Variants in CCDC88A observed in about 807,000 individuals in gnomAD.
The protein encoded by CCDC88A is girdin.
Under a neutral mutation model 234.3 loss-of-function variants are expected in CCDC88A, and 54 were observed. That is an observed-to-expected ratio of 0.23 (90% confidence interval 0.19 to 0.29). The LOEUF (loss-of-function observed/expected upper bound fraction) is 0.29, where lower values mean the gene tolerates loss of function less well. Among genes scored for constraint, CCDC88A ranks in the 10% least tolerant of loss-of-function variants. The pLI, the probability that CCDC88A is intolerant of heterozygous loss-of-function variation, is 1.00. For missense variants in CCDC88A, 1,832 were observed against 2,123.4 expected, an observed-to-expected ratio of 0.86 and a Z score of 2.70; for synonymous variants, 753 against 737.8, an observed-to-expected ratio of 1.02 and a Z score of -0.33.
intron 5 of CCDC88A, among the ~76,000 whole-genome samples, chr2:55,367,436 T>A (rs150306734): frequency 6.6e-6 from 1 of 152,020 alleles, no homozygotes; most frequent in Admixed American, 6.6e-5. Context: ...ACAATACTTG[T>A]ATCAACAAAA....
intron 2 of CCDC88A, chr2:55,399,686 C>A (rs1012347612): frequency 2.0e-5 from 3 of 152,004 alleles, no homozygotes; most frequent in African/African-American, 7.2e-5. Context: ...TTCATGAAAC[C>A]TATTTCATTT....
intron 3 of CCDC88A, 113 bp from the exon 4 acceptor site, chr2:55,374,996 A>T: frequency 1.6e-6 from 1 of 610,934 alleles, no homozygotes; most frequent in Admixed American, 2.5e-5. Flanking sequence ...TATTGCAATT[A>T]AACAAATATG....
chr2:55,330,086 AATTT>A (rs1684738152), intron 16 of CCDC88A: 1 of 152,146 alleles, frequency 6.6e-6, no homozygotes, highest in Admixed American at 6.5e-5. Context: ...GTTGCTTTTA[AATTT>A]ATTTACTTAT....
At chr2:55,313,627 T>C (rs963823328) in intron 22 of CCDC88A, 5 of 150,894 alleles carry the variant, frequency 3.3e-5, no homozygotes, top group Admixed American at 2.6e-4. Context: ...TAGAGTAGAT[T>C]TGTGGGCCCC....
At chr2:55,381,273 T>C (rs1394966398) in intron 3 of CCDC88A, among the ~76,000 whole-genome samples, 2 of 152,172 alleles carry the variant, frequency 1.3e-5, no homozygotes, top group East Asian at 3.9e-4. Context: ...AGAACATATA[T>C]TTGTTGTTAA....
At chr2:55,365,328 A>G (rs1163878673) in intron 5 of CCDC88A, among the ~76,000 whole-genome samples, 2 of 152,172 alleles carry the variant, frequency 1.3e-5, no homozygotes, top group Non-Finnish European at 2.9e-5. Flanking sequence ...TAGCATATAT[A>G]ACATAATTAA....
At chr2:55,368,513 A>G (rs1254857456) in intron 5 of CCDC88A, among the ~76,000 whole-genome samples, 2 of 151,144 alleles carry the variant, frequency 1.3e-5, no homozygotes, top group Non-Finnish European at 2.9e-5. Context: ...TTGTATAAAT[A>G]GAGTTTCCTT....
chr2:55,311,036 A>G (rs1682288920), intron 23 of CCDC88A, among the ~76,000 whole-genome samples: 1 of 152,236 alleles, frequency 6.6e-6, no homozygotes, highest in Non-Finnish European at 1.5e-5. Flanking sequence ...GAAGTCAACT[A>G]TCTAGATACA....
intron 17 of CCDC88A, chr2:55,323,508 TA>T (rs1018001669): frequency 1.6e-4 from 25 of 152,308 alleles, no homozygotes; most frequent in African/African-American, 6.0e-4. Flanking sequence ...TCAAGAAATC[TA>T]AGGGGTACCC....
At chr2:55,402,411 AG>A (rs1274519002) in intron 2 of CCDC88A, among the ~76,000 whole-genome samples, 1 of 152,186 alleles carries the variant, frequency 6.6e-6, no homozygotes, top group African/African-American at 2.4e-5. Flanking sequence ...GTATGTAATT[AG>A]AAAAAGGAAA....
At chr2:55,408,586 C>A (rs1679978606) in intron 2 of CCDC88A, among the ~76,000 whole-genome samples, 1 of 152,118 alleles carries the variant, frequency 6.6e-6, no homozygotes, top group African/African-American at 2.4e-5. Flanking sequence ...TTACAAATGC[C>A]ATGGCAATGG....
intron 5 of CCDC88A, among the ~76,000 whole-genome samples, chr2:55,366,185 T>C (rs1176254733): frequency 6.6e-6 from 1 of 152,144 alleles, no homozygotes; most frequent in African/African-American, 2.4e-5. Flanking sequence ...TCTATTGTAT[T>C]ATAGTAACTG....
chr2:55,297,138 T>G (rs191876115), intron 29 of CCDC88A: 1 of 149,168 alleles, frequency 6.7e-6, no homozygotes, highest in African/African-American at 2.5e-5. Context: ...TGAGCAGAGA[T>G]CGCGCCACTG....
intron 2 of CCDC88A, among the ~76,000 whole-genome samples, chr2:55,413,900 G>A (rs964345224): frequency 1.9e-4 from 29 of 151,846 alleles, no homozygotes; most frequent in Middle Eastern, 3.4e-3. Flanking sequence ...TGCAGTGAGC[G>A]GTGATCATGC....
chr2:55,304,111 C>T (rs745486058), intron 25 of CCDC88A, among the ~76,000 whole-genome samples: 2 of 151,012 alleles, frequency 1.3e-5, no homozygotes. Flanking sequence ...GCGTTCAAGA[C>T]CAGCCTGGGC....
chr2:55,311,566 T>A (rs976335284), intron 23 of CCDC88A, among the ~76,000 whole-genome samples: 1 of 152,208 alleles, frequency 6.6e-6, no homozygotes, highest in Non-Finnish European at 1.5e-5. Flanking sequence ...ATCAAAGAAA[T>A]GACTAGTCTG....
chr2:55,332,863 T>A lies in CCDC88A; in HGVS notation c.2728-170A>T, dbSNP rs531857940. Among the ~76,000 whole-genome samples the A allele has an allele frequency of 1.1e-4, 17 of 152,330 alleles. No individual in the cohort carries two copies. Among genetic ancestry groups the A allele is most frequent in the African/African-American group, 4.1e-4 (17 of 41,558 alleles). Reference sequence around the variant, plus strand: ...AATGTAGTTAAAGTTATAACCTAGTTGAAATAACTTTTTTCCTTTTTTTTG... The same window carrying A: ...AATGTAGTTAAAGTTATAACCTAGTAGAAATAACTTTTTTCCTTTTTTTTG... On this transcript the variant is annotated intron_variant, in intron 15 of 32. Coordinates refer to ENST00000436346, the MANE Select transcript of CCDC88A (RefSeq NM_001365480.1). This position sits in a 1 kb window ranked among gnomAD's most constrained non-coding sequence, Gnocchi z 4.5.
At chr2:55,377,223 G>A (rs574763546) in intron 3 of CCDC88A, among the ~76,000 whole-genome samples, 7 of 148,170 alleles carry the variant, frequency 4.7e-5, no homozygotes, top group African/African-American at 1.7e-4. Context: ...TTGAGACAGG[G>A]TCTTACTCTT....
intron 3 of CCDC88A, among the ~76,000 whole-genome samples, chr2:55,387,382 C>G (rs1675842925): frequency 6.6e-6 from 1 of 151,882 alleles, no homozygotes; most frequent in African/African-American, 2.4e-5. Flanking sequence ...TTAATTTTGG[C>G]CTTTCCTATG....
Sources: gnomAD v4.1 joint callset for allele counts (sites outside exome capture counted in the v4.1 genomes callset) on GRCh38, gnomAD v4.1.1 for gene constraint, Gnocchi (gnomAD v3.1) non-coding constraint, MANE v1.5 for transcripts, NCBI Gene and HGNC (gene_info 2026-07-23, HGNC 2026-07-21) for gene names.